Variants in EFCAB13 observed in about 807,000 individuals in gnomAD.
EFCAB13 encodes the protein EF-hand calcium-binding domain-containing protein 13.
A neutral mutation model predicts 110.2 loss-of-function variants in EFCAB13; 91 were observed. The observed-to-expected ratio is 0.83, with a 90% CI of 0.70 to 0.98. EFCAB13 has a LOEUF of 0.98. EFCAB13 is among the 50% of genes least tolerant of loss of function. EFCAB13 has a pLI of 0.00. For synonymous variants in EFCAB13, 323 were observed against 369.9 expected (o/e 0.87, Z 1.45); for missense variants, 968 against 1,119.4 (o/e 0.86, Z 1.93).
intron 23 of EFCAB13, among the ~76,000 whole-genome samples, chr17:47,420,315 C>T (rs1409037772): frequency 3.3e-5 from 5 of 152,356 alleles, no homozygotes; most frequent in Admixed American, 1.3e-4. Context: ...ACCTCCCAGC[C>T]GCCTGCCTTG....
At chr17:47,340,274 C>T (rs1156476251) in intron 5 of EFCAB13, among the ~76,000 whole-genome samples, 1 of 148,896 alleles carries the variant, frequency 6.7e-6, no homozygotes, top group East Asian at 2.0e-4. Context: ...TCTTGCCTTT[C>T]TATATGAACT....
At chr17:47,420,861 TGGG>T (rs1297673556) in intron 23 of EFCAB13, among the ~76,000 whole-genome samples, 3 of 140,094 alleles carry the variant, frequency 2.1e-5, no homozygotes, top group Non-Finnish European at 3.0e-5. Flanking sequence ...GGGAGGGAGG[TGGG>T]GGGGTCAGCC....
At chr17:47,339,699 CAAA>C (rs60578114) in intron 5 of EFCAB13, among the ~76,000 whole-genome samples, 1 of 77,352 alleles carries the variant, frequency 1.3e-5, no homozygotes, top group Non-Finnish European at 2.7e-5. Context: ...GACTCCATCT[CAAA>C]AAAAAAAAAA....
intron 23 of EFCAB13, among the ~76,000 whole-genome samples, chr17:47,421,611 C>A (rs1904713472): frequency 9.3e-6 from 1 of 107,636 alleles, no homozygotes; most frequent in African/African-American, 4.1e-5. Context: ...GAGAAACACC[C>A]AAGAATGAGC....
At chr17:47,414,746 C>A (rs1225433932) in intron 22 of EFCAB13, 102 bp from the exon 23 acceptor site, 25 of 743,696 alleles carry the variant, frequency 3.4e-5, no homozygotes, top group Non-Finnish European at 5.7e-5. Context: ...GAAAAGTGAG[C>A]TAGAGTGAAA....
chr17:47,398,723 G>A (rs377464981), intron 17 of EFCAB13, among the ~76,000 whole-genome samples: 1 of 150,898 alleles, frequency 6.6e-6, no homozygotes, highest in Non-Finnish European at 1.5e-5. Context: ...GCGGAAGGCC[G>A]CAGTGTCCTC....
At chr17:47,374,082 T>C (rs975218392) in intron 11 of EFCAB13, among the ~76,000 whole-genome samples, 3 of 152,172 alleles carry the variant, frequency 2.0e-5, no homozygotes, top group African/African-American at 7.2e-5. Flanking sequence ...GTTCTAATTT[T>C]ATAAATAAAA....
Position 47,377,795 on chromosome 17 carries a change from C to T in EFCAB13, c.1402C>T (p.Gln468Ter), listed in dbSNP as rs754312884. The T allele has an allele frequency of 5.0e-6, 8 of 1,587,132 alleles. No homozygotes were observed. The South Asian group carries it at 9.4e-5, about 19-fold the overall frequency. ...ENFCEAISKLQENYIAAEELQ... is the reference protein window; with the variant it reads ...ENFCEAISKL ...CTTCTGTGAAGCTATCAGTAAACTT[C>T]AAGAAAATTACATTGCAGCAGAAGA... Residue 468 changes from glutamine to a stop codon, truncating the protein, a stop_gained, in exon 13 of 25, where the codon CAA becomes TAA. Coordinates refer to ENST00000331493, the MANE Select transcript of EFCAB13 (RefSeq NM_152347.5). LOFTEE classifies it high-confidence loss of function.
chr17:47,412,678 A>C, intron 21 of EFCAB13, 95 bp from the exon 22 acceptor site: 1 of 1,220,244 alleles, frequency 8.2e-7, no homozygotes. Flanking sequence ...GATTCAGATA[A>C]ATATTTAATT....
At chr17:47,415,851 T>TTCCC (rs1904424959) in intron 23 of EFCAB13, among the ~76,000 whole-genome samples, 1 of 152,232 alleles carries the variant, frequency 6.6e-6, no homozygotes, top group South Asian at 2.1e-4. Context: ...TTGTCCCTGC[T>TTCCC]ATTTAAAGAC....
At chr17:47,361,605 C>A in intron 10 of EFCAB13, 84 bp downstream of exon 10, 1 of 1,157,904 alleles carries the variant, frequency 8.6e-7, no homozygotes, top group South Asian at 1.8e-5. Flanking sequence ...ATTTTGTGAT[C>A]TGTCCTTTGC....
chr17:47,416,360 A>G (rs1418629795), intron 23 of EFCAB13, among the ~76,000 whole-genome samples: 1 of 152,200 alleles, frequency 6.6e-6, no homozygotes, highest in Non-Finnish European at 1.5e-5. Flanking sequence ...TGAACATTTC[A>G]TATAGATGTA....
At chr17:47,333,152 C>A (rs2065329699) in intron 4 of EFCAB13, among the ~76,000 whole-genome samples, 1 of 152,140 alleles carries the variant, frequency 6.6e-6, no homozygotes, top group African/African-American at 2.4e-5. Flanking sequence ...GAGATGATAT[C>A]TCATTGCAAT....
intron 16 of EFCAB13, among the ~76,000 whole-genome samples, chr17:47,395,438 G>T (rs1239382216): frequency 6.6e-6 from 1 of 152,112 alleles, no homozygotes; most frequent in Admixed American, 6.5e-5. Flanking sequence ...TCTTTTTGTT[G>T]TCTACAGTGG....
Position 47,346,433 on chromosome 17 carries a change from A to ACCCC in EFCAB13, c.517+1343_517+1346dup, listed in dbSNP as rs60932759. On this transcript the variant is annotated intron_variant, in intron 8 of 24. Transcript: ENST00000331493. ...CTGTCATATGTATATAACGTACTTT[A>ACCCC]CCCCCCCCCCCATTTATCTGACATT... is the stretch of plus-strand genomic sequence containing the variant. Among the ~76,000 whole-genome samples the ACCCC allele has an allele frequency of 8.1e-4, 76 of 94,376 alleles. 5 individuals are homozygous for ACCCC. The highest frequency in any genetic ancestry group is 2.2e-3 in the African/African-American group (51 of 23,088). 61.9% of individuals were successfully genotyped at this position (94,376 alleles called of 152,430 possible).
In EFCAB13 at chr17:47,404,102, T is replaced by C. The variant is rs2065792991; in HGVS notation, c.2161+81T>C. The C allele has an allele frequency of 1.1e-5, 12 of 1,113,656 alleles. No individual in the cohort carries two copies. The South Asian group carries it at 2.2e-4, about 20-fold the overall frequency. 69.0% of individuals were successfully genotyped at this position (1,113,656 alleles called of 1,614,324 possible). ...TGCAAGGTCTATAGGTATTTGCTTATGTTACTATAAATGTAATCTTTGAAA... is the reference window on the plus strand; with the variant it reads ...TGCAAGGTCTATAGGTATTTGCTTACGTTACTATAAATGTAATCTTTGAAA... On this transcript the variant is annotated intron_variant, in intron 19 of 24. Transcript: ENST00000331493.
chr17:47,380,241 C>G (rs1327279044), intron 14 of EFCAB13, among the ~76,000 whole-genome samples: 1 of 152,020 alleles, frequency 6.6e-6, no homozygotes, highest in Non-Finnish European at 1.5e-5. Context: ...GCCCCCTACC[C>G]CCTGACAGGC....
At chr17:47,429,603 G>A (rs1905067175) in intron 23 of EFCAB13, among the ~76,000 whole-genome samples, 1 of 152,214 alleles carries the variant, frequency 6.6e-6, no homozygotes, top group Admixed American at 6.5e-5. Context: ...CTGGTAAAGT[G>A]AAATTGCTTA....
At chr17:47,326,880 A>T (rs1049216555) in intron 3 of EFCAB13, among the ~76,000 whole-genome samples, 1 of 152,214 alleles carries the variant, frequency 6.6e-6, no homozygotes, top group Non-Finnish European at 1.5e-5. Context: ...GACTATAAAC[A>T]TATGTCAGAA....
Sources: gnomAD v4.1 joint callset for allele counts (sites outside exome capture counted in the v4.1 genomes callset) on GRCh38, gnomAD v4.1.1 for gene constraint, MANE v1.5 for transcripts, NCBI Gene and HGNC (gene_info 2026-07-23, HGNC 2026-07-21) for gene names.